Variants in CSMD1 observed in about 807,000 individuals in gnomAD.
CSMD1 encodes CUB and Sushi multiple domains 1.
CSMD1 carries 213 observed loss-of-function variants against 417.5 expected under a neutral mutation model. That is an observed-to-expected ratio of 0.51 (90% CI 0.46 to 0.57). The LOEUF (loss-of-function observed/expected upper bound fraction) is 0.57. Among genes scored for constraint, CSMD1 ranks in the 20% least tolerant of loss-of-function variants. The pLI is 0.00. For synonymous variants in CSMD1, 2,862 were observed against 1,736.8 expected (o/e 1.65, Z -16.11); for missense variants, 6,923 against 4,529.7 (o/e 1.53, Z -15.17).
At chr8:4,762,965 G>C (rs949708364) in intron 1 of CSMD1, among the ~76,000 whole-genome samples, 3 of 152,118 alleles carry the variant, frequency 2.0e-5, no homozygotes, top group Non-Finnish European at 2.9e-5. Context: ...CTCAATATCT[G>C]GTGGCGTGTG....
At chr8:3,909,331 C>T (rs962562881) in intron 5 of CSMD1, among the ~76,000 whole-genome samples, 8 of 152,116 alleles carry the variant, frequency 5.3e-5, no homozygotes, top group African/African-American at 1.9e-4. Flanking sequence ...TTCGTGTGGG[C>T]ATCCTTGCTG....
intron 67 of CSMD1, 26 bp from the exon 68 acceptor site, chr8:2,949,412 G>GAAAAT (rs746191318): frequency 1.5e-6 from 2 of 1,306,524 alleles, no homozygotes; most frequent in Non-Finnish European, 2.2e-6. Flanking sequence ...GAAAAGAAAA[G>GAAAAT]AAATAAAAAG....
intron 3 of CSMD1, among the ~76,000 whole-genome samples, chr8:4,068,219 A>G (rs1410109011): frequency 6.6e-6 from 1 of 152,206 alleles, no homozygotes. Flanking sequence ...GTGCAGTGTT[A>G]AAAGCAGAAG....
intron 2 of CSMD1, among the ~76,000 whole-genome samples, chr8:4,595,168 T>G (rs1800189237): frequency 6.6e-6 from 1 of 151,988 alleles, no homozygotes. Context: ...TGAAAGAGTG[T>G]TACTAATTAA....
At chr8:4,577,860 T>G in intron 2 of CSMD1, among the ~76,000 whole-genome samples, 1 of 152,152 alleles carries the variant, frequency 6.6e-6, no homozygotes, top group East Asian at 1.9e-4. Flanking sequence ...AGACCTCAAG[T>G]GAATATATAT....
intron 5 of CSMD1, among the ~76,000 whole-genome samples, chr8:3,808,006 G>C (rs1042567518): frequency 6.6e-6 from 1 of 152,170 alleles, no homozygotes; most frequent in Non-Finnish European, 1.5e-5. Context: ...ATGCTTTAAA[G>C]TCGTCTCATT....
At chr8:4,312,398 C>CCTGT (rs1381586432) in intron 3 of CSMD1, among the ~76,000 whole-genome samples, 1 of 105,274 alleles carries the variant, frequency 9.5e-6, no homozygotes, top group Non-Finnish European at 1.7e-5. Context: ...TATATACATA[C>CCTGT]ATATATATGC....
intron 10 of CSMD1, among the ~76,000 whole-genome samples, chr8:3,502,364 C>A (rs202167800): frequency 2.3e-3 from 246 of 109,108 alleles, no homozygotes; most frequent in Middle Eastern, 5.2e-3. Flanking sequence ...GACTTCATCT[C>A]AAAAAAAAAA....
intron 53 of CSMD1, 42 bp from the exon 54 acceptor site, chr8:2,998,226 G>A (rs925656828): frequency 6.3e-7 from 1 of 1,585,364 alleles, no homozygotes; most frequent in Non-Finnish European, 8.6e-7. Flanking sequence ...ATATTGAACA[G>A]GTCATCACTT....
intron 65 of CSMD1, among the ~76,000 whole-genome samples, chr8:2,952,570 T>G (rs1802708489): frequency 6.6e-6 from 1 of 152,174 alleles, no homozygotes; most frequent in South Asian, 2.1e-4. Flanking sequence ...AAATCACTGA[T>G]TTTAGACACA....
At chr8:3,640,415 G>C (rs1797250593) in intron 7 of CSMD1, among the ~76,000 whole-genome samples, 1 of 152,164 alleles carries the variant, frequency 6.6e-6, no homozygotes. Flanking sequence ...ACATTGTAAA[G>C]ACCAGAGACC....
chr8:3,774,789 G>A (rs567103248), intron 5 of CSMD1, among the ~76,000 whole-genome samples: 7 of 152,120 alleles, frequency 4.6e-5, no homozygotes, highest in Admixed American at 6.5e-5. Flanking sequence ...CACAGTGTCC[G>A]TTTTTAAGCC....
chr8:4,041,896 T>A (rs901983419), intron 3 of CSMD1, among the ~76,000 whole-genome samples: 2 of 152,168 alleles, frequency 1.3e-5, no homozygotes, highest in South Asian at 4.1e-4. Flanking sequence ...TAAGGTAGAA[T>A]AGATATAGCA....
At chr8:4,397,771 C>G (rs1009883835) in intron 3 of CSMD1, among the ~76,000 whole-genome samples, 1 of 151,932 alleles carries the variant, frequency 6.6e-6, no homozygotes, top group African/African-American at 2.4e-5. Context: ...AGGGAAAAAC[C>G]TTAATACTGA....
intron 18 of CSMD1, among the ~76,000 whole-genome samples, chr8:3,375,465 T>C (rs1455812661): frequency 6.6e-6 from 1 of 152,150 alleles, no homozygotes; most frequent in Non-Finnish European, 1.5e-5. Flanking sequence ...TCAGACTTAA[T>C]GAGTTACTTT....
At chr8:4,555,891 C>T (rs1798067915) in intron 2 of CSMD1, among the ~76,000 whole-genome samples, 1 of 152,022 alleles carries the variant, frequency 6.6e-6, no homozygotes, top group South Asian at 2.1e-4. Flanking sequence ...TAAAAAAAGT[C>T]AAGTGTATCT....
At chr8:4,841,245 T>C (rs1252296808) in intron 1 of CSMD1, among the ~76,000 whole-genome samples, 5 of 152,250 alleles carry the variant, frequency 3.3e-5, no homozygotes, top group African/African-American at 1.2e-4. Flanking sequence ...TGCAATGGCA[T>C]GTTTCACTTC....
At chr8:4,703,352 A>C (rs1584967905) in intron 1 of CSMD1, among the ~76,000 whole-genome samples, 1 of 152,304 alleles carries the variant, frequency 6.6e-6, no homozygotes, top group East Asian at 1.9e-4. Flanking sequence ...CTTTCTGCAA[A>C]GATCTCCCTT....
chr8:3,076,754 G>A (rs977553018), intron 49 of CSMD1, among the ~76,000 whole-genome samples: 3 of 152,200 alleles, frequency 2.0e-5, no homozygotes, highest in African/African-American at 4.8e-5. Flanking sequence ...AATTCATATT[G>A]ATGACAACTG....
Sources: gnomAD v4.1 joint callset for allele counts (sites outside exome capture counted in the v4.1 genomes callset) on GRCh38, gnomAD v4.1.1 for gene constraint, MANE v1.5 for transcripts, NCBI Gene and HGNC (gene_info 2026-07-23, HGNC 2026-07-21) for gene names.